Variants in LRRC4C observed in about 807,000 individuals in gnomAD.
LRRC4C encodes leucine-rich repeat-containing protein 4C.
Under a neutral mutation model 33.6 loss-of-function variants are expected in LRRC4C, and 5 were observed. That is an observed-to-expected ratio of 0.15 (90% CI 0.08 to 0.31). The LOEUF is 0.31. Among genes scored for constraint, LRRC4C ranks in the 10% least tolerant of loss-of-function variants. LRRC4C has a pLI of 1.00. For missense variants in LRRC4C, 560 were observed against 796.7 expected (o/e 0.70, Z 3.58); for synonymous variants, 329 against 302.0 (o/e 1.09, Z -0.93).
At chr11:40,730,272 C>A (rs1026386826) in intron 2 of LRRC4C, among the ~76,000 whole-genome samples, 1 of 152,052 alleles carries the variant, frequency 6.6e-6, no homozygotes, top group African/African-American at 2.4e-5. Flanking sequence ...TAAAAAAAAA[C>A]TTCAAATATT....
intron 1 of LRRC4C, among the ~76,000 whole-genome samples, chr11:41,076,275 C>T (rs947242075): frequency 6.6e-6 from 1 of 152,340 alleles, no homozygotes; most frequent in East Asian, 1.9e-4. Flanking sequence ...TTTTCCCAAT[C>T]TGCCTTTTCA....
chr11:40,285,667 T>A (rs2136500407), intron 4 of LRRC4C, among the ~76,000 whole-genome samples: 1 of 152,266 alleles, frequency 6.6e-6, no homozygotes, highest in South Asian at 2.1e-4. Context: ...GACTGACAAA[T>A]ATACGGAAGG....
At chr11:40,853,164 G>T (rs937806436) in intron 2 of LRRC4C, among the ~76,000 whole-genome samples, 8 of 152,056 alleles carry the variant, frequency 5.3e-5, no homozygotes, top group Non-Finnish European at 7.4e-5. Context: ...AACCTATGCT[G>T]CTTGTTGCAT....
intron 1 of LRRC4C, among the ~76,000 whole-genome samples, chr11:41,165,923 C>G (rs1944702587): frequency 2.0e-5 from 3 of 151,702 alleles, no homozygotes; most frequent in Admixed American, 2.0e-4. Flanking sequence ...CCCAGCTACT[C>G]AGGAGGCTGC....
At chr11:41,308,960 A>G (rs12224677) in intron 1 of LRRC4C, among the ~76,000 whole-genome samples, 7,530 of 152,078 alleles carry the variant, frequency 0.05, 211 homozygotes, top group South Asian at 0.079. Flanking sequence ...ATGCGTCAAC[A>G]CGCCCGGCTA....
chr11:40,328,205 C>T (rs1159486898), intron 3 of LRRC4C, among the ~76,000 whole-genome samples: 1 of 152,100 alleles, frequency 6.6e-6, no homozygotes, highest in Non-Finnish European at 1.5e-5. Flanking sequence ...TTCTATGCCA[C>T]AGTATTTTTA....
chr11:40,863,881 T>C (rs1954223436), intron 2 of LRRC4C, among the ~76,000 whole-genome samples: 1 of 152,142 alleles, frequency 6.6e-6, no homozygotes. Context: ...ATGTCACCTG[T>C]AAAGAAAATA....
intron 2 of LRRC4C, among the ~76,000 whole-genome samples, chr11:40,704,670 A>G (rs1946057201): frequency 6.6e-6 from 1 of 152,166 alleles, no homozygotes; most frequent in Non-Finnish European, 1.5e-5. Context: ...AGAGTTCACA[A>G]TAATTTCTGT....
chr11:40,482,905 A>C (rs536687359), intron 3 of LRRC4C, among the ~76,000 whole-genome samples: 1 of 152,340 alleles, frequency 6.6e-6, no homozygotes, highest in Admixed American at 6.5e-5. Flanking sequence ...GAGTAAATGT[A>C]CCTTCAATGG....
intron 1 of LRRC4C, among the ~76,000 whole-genome samples, chr11:41,280,511 C>T (rs1949628307): frequency 6.6e-6 from 1 of 152,230 alleles, no homozygotes; most frequent in African/African-American, 2.4e-5. Flanking sequence ...TCAACTCATT[C>T]TGTGCCCTGT....
chr11:41,360,054 A>T (rs1469860317), intron 1 of LRRC4C, among the ~76,000 whole-genome samples: 1 of 152,086 alleles, frequency 6.6e-6, no homozygotes, highest in African/African-American at 2.4e-5. Context: ...ACAGTGGTGC[A>T]CACTTGTAAT....
intron 3 of LRRC4C, among the ~76,000 whole-genome samples, chr11:40,333,717 C>CAAA (rs60450935): frequency 2.0e-4 from 16 of 78,470 alleles, no homozygotes; most frequent in Admixed American, 4.9e-4. Flanking sequence ...GACTTTGTCT[C>CAAA]AAAAAAAAAA....
chr11:41,389,639 C>CAAAA (rs56194204), intron 1 of LRRC4C, among the ~76,000 whole-genome samples: 1 of 80,966 alleles, frequency 1.2e-5, no homozygotes, highest in African/African-American at 4.8e-5. Context: ...CAGTGAGCAG[C>CAAAA]AAAAAAAAAA....
chr11:41,217,135 C>A (rs139785224), intron 1 of LRRC4C, among the ~76,000 whole-genome samples: 1 of 152,124 alleles, frequency 6.6e-6, no homozygotes, highest in African/African-American at 2.4e-5. Flanking sequence ...GTTTGGATTT[C>A]CAAAATTTTG....
chr11:40,489,960 A>T (rs1954063211), intron 3 of LRRC4C, among the ~76,000 whole-genome samples: 1 of 152,104 alleles, frequency 6.6e-6, no homozygotes, highest in Non-Finnish European at 1.5e-5. Flanking sequence ...AACAATGGAA[A>T]ATATAGGCCT....
chr11:40,324,049 G>C (rs910081240), intron 3 of LRRC4C, among the ~76,000 whole-genome samples: 6 of 152,304 alleles, frequency 3.9e-5, no homozygotes, highest in African/African-American at 1.4e-4. Context: ...ATTAGTGTGA[G>C]AGGTGGCAAG....
At chr11:40,151,935 G>A (rs973535141) in intron 5 of LRRC4C, among the ~76,000 whole-genome samples, 2 of 152,198 alleles carry the variant, frequency 1.3e-5, no homozygotes, top group East Asian at 1.9e-4. Context: ...TACATTTATC[G>A]TGATGGAAGG....
intron 2 of LRRC4C, among the ~76,000 whole-genome samples, chr11:40,737,944 G>A (rs1462788622): frequency 3.3e-5 from 5 of 152,174 alleles, no homozygotes; most frequent in East Asian, 1.9e-4. Context: ...CAAAGCTGGC[G>A]GCATCATGCT....
intron 1 of LRRC4C, among the ~76,000 whole-genome samples, chr11:41,431,020 C>T (rs1415305581): frequency 6.6e-6 from 1 of 152,040 alleles, no homozygotes; most frequent in Non-Finnish European, 1.5e-5. Flanking sequence ...ATTTGAATTA[C>T]TCAATCAGCT....
Sources: gnomAD v4.1 joint callset for allele counts (sites outside exome capture counted in the v4.1 genomes callset) on GRCh38, gnomAD v4.1.1 for gene constraint, MANE v1.5 for transcripts, NCBI Gene and HGNC (gene_info 2026-07-23, HGNC 2026-07-21) for gene names.